KCNQ1: variants seen among roughly 807,000 people sequenced by gnomAD.
The protein encoded by KCNQ1 is potassium voltage-gated channel subfamily Q member 1.
KCNQ1 carries 49 observed loss-of-function variants against 72.4 expected under a neutral mutation model. The observed-to-expected ratio is 0.68, with a 90% CI of 0.54 to 0.86. The LOEUF (loss-of-function observed/expected upper bound fraction) is 0.86, where lower values mean the gene tolerates loss of function less well. Ranked by LOEUF, KCNQ1 falls within the 40% of genes least tolerant of loss-of-function variation. The pLI is 0.00. For missense variants in KCNQ1, 790 were observed against 945.1 expected (o/e 0.84, Z 2.15); for synonymous variants, 450 against 412.6 (o/e 1.09, Z -1.10).
At position 2,509,271 on chromosome 11, in the gene KCNQ1, G is replaced by C. The variant is rs537462516; in HGVS notation, c.387-18657G>C. On this transcript the variant is annotated intron_variant, in intron 1 of 15. Transcript: ENST00000155840. The surrounding 1 kb of genome is among the most constrained non-coding windows in gnomAD (Gnocchi z 6.3). ...TCATGAAGAGTGGCTTCGGACTTTG[G>C]GGTAGGGTCTGGTAGGATCCCAGGG... Among the ~76,000 whole-genome samples, 97 of 152,212 alleles carry C rather than the reference G, an allele frequency of 6.4e-4. No homozygotes were observed. Among genetic ancestry groups the C allele is most frequent in the Middle Eastern group, 3.4e-3 (1 of 294 alleles).
chr11:2,672,436 G>A (rs573754749), intron 11 of KCNQ1: 2 of 398,556 alleles, frequency 5.0e-6, no homozygotes, highest in South Asian at 2.5e-4. Context: ...CACCCCAGGG[G>A]CTCTGAAGAG....
At position 2,695,793 on chromosome 11, in the gene KCNQ1, A is replaced by G. The variant is rs965906646; in HGVS notation, c.1514+33712A>G. 2.5e-6 allele frequency: 1 copy of G among 398,608 alleles called. No homozygotes were observed. The highest frequency in any genetic ancestry group is 2.1e-5 in the African/African-American group (1 of 48,728). 24.7% of individuals were successfully genotyped at this position (398,608 alleles called of 1,614,324 possible). Reference sequence around the variant, plus strand: ...TATCCTACTTTCTAATGCTTCTCCTATGAAGAATAGCTGTTGCTTTCATTT... The same window carrying G: ...TATCCTACTTTCTAATGCTTCTCCTGTGAAGAATAGCTGTTGCTTTCATTT... On this transcript the variant is annotated intron_variant, in intron 11 of 15. Transcript: ENST00000155840. The surrounding 1 kb of genome is among the most constrained non-coding windows in gnomAD (Gnocchi z 5.2).
intron 7 of KCNQ1, among the ~76,000 whole-genome samples, chr11:2,583,780 G>A (rs1848541646): frequency 6.6e-6 from 1 of 152,244 alleles, no homozygotes; most frequent in East Asian, 1.9e-4. Flanking sequence ...GCAGCCTGGA[G>A]TGGCTGTGCA....
rs766001253 is a variant in KCNQ1, at chr11:2,748,410, T to TG, written c.1515-20430dup. 6.6e-6 allele frequency among the ~76,000 whole-genome samples: 1 copy of TG among 152,122 alleles called. No homozygotes were observed. Among genetic ancestry groups the TG allele is most frequent in the East Asian group, 1.9e-4 (1 of 5,186 alleles). On this transcript the variant is annotated intron_variant, in intron 11 of 15. Transcript: ENST00000155840. The surrounding 1 kb of genome is among the most constrained non-coding windows in gnomAD (Gnocchi z 6.2). ...GGGTAGATGTGGTGAGGTGTGCTGG[T>TG]GGGGAGGGTCCCTATCAGATGCCCC...
chr11:2,797,659 A>G (rs913585053), intron 15 of KCNQ1, among the ~76,000 whole-genome samples: 8 of 151,920 alleles, frequency 5.3e-5, no homozygotes, highest in Non-Finnish European at 1.0e-4. Context: ...GGCCCTTTAC[A>G]GTGTAGTCTG....
intron 10 of KCNQ1, chr11:2,622,702 G>T (rs908675495): frequency 5.0e-6 from 2 of 398,384 alleles, no homozygotes; most frequent in Non-Finnish European, 8.8e-6. Flanking sequence ...CTGTATGTGT[G>T]TATGTGTATT....
At chr11:2,648,447 C>G (rs1200771227) in intron 10 of KCNQ1, 1 of 398,344 alleles carries the variant, frequency 2.5e-6, no homozygotes, top group Non-Finnish European at 4.4e-6. Context: ...TTGTTGTACC[C>G]TATACATTTT....
chr11:2,580,591 A>G lies in KCNQ1; in HGVS notation c.922-2844A>G, dbSNP rs142206025. On this transcript the variant is annotated intron_variant, in intron 6 of 15. Transcript: ENST00000155840. ...CCACTGCTTACGCTTGGGTGGGAGC[A>G]GGAGTGCCTGTTAGTGCCCCCCAGC... Among the ~76,000 whole-genome samples, 108 of 152,314 alleles carry G rather than the reference A, an allele frequency of 7.1e-4. 1 individual carries two copies. In the East Asian group the frequency reaches 0.017, roughly 25 times the overall value.
intron 1 of KCNQ1, among the ~76,000 whole-genome samples, chr11:2,460,692 G>A (rs1039553017): frequency 7.2e-5 from 11 of 152,200 alleles, no homozygotes; most frequent in Non-Finnish European, 1.5e-4. Flanking sequence ...TGGGGACTCC[G>A]CTCTTGTGGG....
intron 10 of KCNQ1, chr11:2,609,035 C>A: frequency 5.0e-6 from 2 of 398,128 alleles, no homozygotes; most frequent in Non-Finnish European, 8.9e-6. Flanking sequence ...TTTATTTCTA[C>A]TCTAATATTT....
intron 11 of KCNQ1, among the ~76,000 whole-genome samples, chr11:2,736,785 G>A (rs1485085184): frequency 6.6e-6 from 1 of 152,234 alleles, no homozygotes; most frequent in East Asian, 1.9e-4. Context: ...TGGCTGGCTG[G>A]CATGCGCCCT....
chr11:2,527,196 C>T (rs1018039660), intron 1 of KCNQ1, among the ~76,000 whole-genome samples: 2 of 152,278 alleles, frequency 1.3e-5, no homozygotes, highest in Non-Finnish European at 2.9e-5. Flanking sequence ...TTCTGTGGCT[C>T]GGCCTCGGGG....
chr11:2,636,778 A>T (rs1849474380), intron 10 of KCNQ1: 2 of 152,084 alleles, frequency 1.3e-5, no homozygotes, highest in African/African-American at 4.8e-5. Context: ...TCCTCCTTGT[A>T]CCTCTGGTAG....
In KCNQ1 at chr11:2,766,317, C is replaced by T. The variant is rs1846497161; in HGVS notation, c.1515-2527C>T. Among the ~76,000 whole-genome samples the T allele has an allele frequency of 6.6e-6, 1 of 152,162 alleles. No homozygotes were observed. The highest frequency in any genetic ancestry group is 1.5e-5 in the Non-Finnish European group (1 of 68,044). ...ACTTGGATTCGATGACATGGCAGTA[C>T]TTGCATGGTGATGTGGTGGTGGCTG... On this transcript the variant is annotated intron_variant, in intron 11 of 15. Transcript: ENST00000155840. This position sits in a 1 kb window ranked among gnomAD's most constrained non-coding sequence, Gnocchi z 4.4.
Position 2,563,103 on chromosome 11 carries a change from G to A in KCNQ1, c.478-7525G>A, listed in dbSNP as rs532576671. On this transcript the variant is annotated intron_variant, in intron 2 of 15. Coordinates refer to ENST00000155840, the MANE Select transcript of KCNQ1 (RefSeq NM_000218.3). The surrounding 1 kb of genome is among the most constrained non-coding windows in gnomAD (Gnocchi z 7.4). ...CAGGCTGCCCTGTGATCTTTCCCAC[G>A]TGATTGATTGACACAGGGACCTTCT... Among the ~76,000 whole-genome samples the A allele has an allele frequency of 1.6e-3, 251 of 152,302 alleles. No homozygotes were observed. Among genetic ancestry groups the A allele is most frequent in the Non-Finnish European group, 2.5e-3 (169 of 68,020 alleles).
chr11:2,731,534 G>C (rs231905), intron 11 of KCNQ1, among the ~76,000 whole-genome samples: 51,843 of 152,192 alleles, frequency 0.34, 9,410 homozygotes, highest in African/African-American at 0.46. Context: ...TGCGGCTCCA[G>C]GTTCTCACCC....
chr11:2,521,301 C>T (rs1420297205), intron 1 of KCNQ1, among the ~76,000 whole-genome samples: 2 of 152,162 alleles, frequency 1.3e-5, no homozygotes, highest in Non-Finnish European at 2.9e-5. Context: ...TCCCTCGGCC[C>T]CGCTGTCCGC....
At chr11:2,455,040 A>G (rs969412042) in intron 1 of KCNQ1, among the ~76,000 whole-genome samples, 2 of 152,200 alleles carry the variant, frequency 1.3e-5, no homozygotes, top group African/African-American at 4.8e-5. Context: ...GTCTGCCAAA[A>G]GCCTTCTGGA....
At position 2,703,666 on chromosome 11, in the gene KCNQ1, G is replaced by A. The variant is rs1447202206; in HGVS notation, c.1514+41585G>A. On this transcript the variant is annotated intron_variant, in intron 11 of 15. Coordinates refer to ENST00000155840, the MANE Select transcript of KCNQ1 (RefSeq NM_000218.3). This position sits in a 1 kb window ranked among gnomAD's most constrained non-coding sequence, Gnocchi z 6.4. ...TGCAGATGGGGCCCAGAGCCCCGGC[G>A]GTGTCCCAGGGGAAACACCAGTCCT... Among the ~76,000 whole-genome samples, 4 of 152,138 alleles carry A rather than the reference G, an allele frequency of 2.6e-5. No homozygotes were observed. Among genetic ancestry groups the A allele is most frequent in the Admixed American group, 1.3e-4 (2 of 15,282 alleles).
Sources: allele counts gnomAD v4.1 joint callset (sites outside exome capture counted in the v4.1 genomes callset), GRCh38; gene constraint gnomAD v4.1.1; non-coding constraint Gnocchi (gnomAD v3.1); transcripts MANE v1.5; gene names NCBI Gene and HGNC (gene_info 2026-07-23, HGNC 2026-07-21).